Variants in ANO5 observed in about 807,000 individuals in gnomAD.
ANO5 encodes the protein anoctamin-5.
ANO5 carries 109 observed loss-of-function variants against 121.0 expected under a neutral mutation model. The ratio of observed to expected loss-of-function variants is 0.90; its 90% CI spans 0.77 to 1.06. The LOEUF (loss-of-function observed/expected upper bound fraction) is 1.06. Ranked by LOEUF, ANO5 falls within the 50% of genes least tolerant of loss-of-function variation. ANO5 has a pLI of 0.00. For synonymous variants in ANO5, 406 were observed against 359.9 expected, an observed-to-expected ratio of 1.13 and a Z score of -1.45; for missense variants, 1,064 against 1,078.5, an observed-to-expected ratio of 0.99 and a Z score of 0.19.
intron 1 of ANO5, among the ~76,000 whole-genome samples, chr11:22,201,289 C>A (rs1851956572): frequency 6.6e-6 from 1 of 152,122 alleles, no homozygotes; most frequent in Non-Finnish European, 1.5e-5. Context: ...AGAACAAAAT[C>A]AAAAATTGTG....
chr11:22,246,820 C>T (rs1391002931), intron 9 of ANO5, among the ~76,000 whole-genome samples: 1 of 146,038 alleles, frequency 6.8e-6, no homozygotes, highest in Non-Finnish European at 1.5e-5. Context: ...CGCACCACTA[C>T]CCTACAACCT....
chr11:22,275,988 C>T (rs1854825237), intron 20 of ANO5, 106 bp from the exon 21 acceptor site: 6 of 759,678 alleles, frequency 7.9e-6, no homozygotes, highest in Non-Finnish European at 1.3e-5. Flanking sequence ...TTTTTCTGAT[C>T]AACTAGAAAG....
intron 7 of ANO5, 89 bp from the exon 8 acceptor site, chr11:22,236,074 A>G: frequency 5.8e-6 from 5 of 862,294 alleles, no homozygotes; most frequent in Admixed American, 1.9e-5. Context: ...TCTACATTCA[A>G]AGTAGACATT....
intron 17 of ANO5, among the ~76,000 whole-genome samples, chr11:22,267,888 G>T (rs1176269825): frequency 6.6e-6 from 1 of 152,070 alleles, no homozygotes; most frequent in African/African-American, 2.4e-5. Context: ...GCATTAGTTT[G>T]CTAAGGATAA....
intron 9 of ANO5, among the ~76,000 whole-genome samples, chr11:22,247,583 TAAGG>T (rs1023189137): frequency 1.1e-4 from 17 of 152,038 alleles, no homozygotes; most frequent in African/African-American, 4.1e-4. Flanking sequence ...AGGACAAAAA[TAAGG>T]AAGACAGAAT....
Position 22,274,809 on chromosome 11 carries a change from A to T in ANO5, c.2414+62A>T, listed in dbSNP as rs530423163. 6.9e-5 allele frequency: 108 copies of T among 1,559,956 alleles called. 1 individual carries two copies. In the Middle Eastern group the frequency reaches 1.4e-3, roughly 20 times the overall value. Reference sequence around the variant, plus strand: ...ATCCCTTAAGCGTATTTCTTAAGTTATCTATTACCTTTCTGTCTTACAATA... The same window carrying T: ...ATCCCTTAAGCGTATTTCTTAAGTTTTCTATTACCTTTCTGTCTTACAATA... On this transcript the variant is annotated intron_variant, in intron 20 of 21. Coordinates refer to ENST00000324559, the MANE Select transcript of ANO5 (RefSeq NM_213599.3).
intron 12 of ANO5, among the ~76,000 whole-genome samples, chr11:22,253,812 C>T (rs530140882): frequency 6.6e-6 from 1 of 152,086 alleles, no homozygotes; most frequent in Non-Finnish European, 1.5e-5. Flanking sequence ...GGCTGAATTA[C>T]TTTTTGACTG....
chr11:22,250,187 G>T, intron 9 of ANO5, 50 bp from the exon 10 acceptor site: 1 of 1,509,004 alleles, frequency 6.6e-7, no homozygotes, highest in Non-Finnish European at 9.1e-7. Flanking sequence ...CAAGGCTCCA[G>T]ACTATAACAT....
chr11:22,265,427 A>G (rs1330926856), intron 17 of ANO5, among the ~76,000 whole-genome samples: 1 of 152,130 alleles, frequency 6.6e-6, no homozygotes, highest in African/African-American at 2.4e-5. Context: ...TGCATGTAAA[A>G]TTGTCACGGA....
At position 22,276,333 on chromosome 11, in the gene ANO5, TA is replaced by T. The variant is rs1854848658; in HGVS notation, c.2520+139del. 30 of 747,790 alleles carry T rather than the reference TA, an allele frequency of 4.0e-5. No individual in the cohort carries two copies. The East Asian group carries it at 7.9e-4, about 20-fold the overall frequency. 46.3% of individuals were successfully genotyped at this position (747,790 alleles called of 1,614,324 possible). On this transcript the variant is annotated intron_variant, in intron 21 of 21. Transcript: ENST00000324559. ...GAAGGAAGTATTGTATTTGTAGTCATAAAAAGCACCTTAGGGATATTCTTAG... is the reference window on the plus strand; with the variant it reads ...GAAGGAAGTATTGTATTTGTAGTCATAAAAGCACCTTAGGGATATTCTTAG...
At chr11:22,216,564 A>G (rs1027802712) in intron 3 of ANO5, among the ~76,000 whole-genome samples, 1 of 151,824 alleles carries the variant, frequency 6.6e-6, no homozygotes, top group Non-Finnish European at 1.5e-5. Flanking sequence ...ATTGACTTGT[A>G]AGAGTTGTTT....
In ANO5 at chr11:22,227,461, C is replaced by T. The variant is rs1852879178; in HGVS notation, c.523C>T (p.Leu175Phe). Residue 175 changes from leucine (L) to phenylalanine (F), a missense_variant, in exon 7 of 22, where the codon CTC (leucine) becomes TTC (phenylalanine). Physicochemically the swap from Leu to Phe is conservative, Grantham distance 22 (BLOSUM62 0). Coordinates refer to ENST00000324559, the MANE Select transcript of ANO5 (RefSeq NM_213599.3). ...PISYVLGPVR[L>F]PLSVKYPHPE... ...AAGCTATGTGCTTGGACCTGTAAGA[C>T]TCCCACTGAGTGTGAAGTATCCCCA... 6.2e-7 allele frequency: 1 copy of T among 1,613,594 alleles called. No individual in the cohort carries two copies. Among genetic ancestry groups the T allele is most frequent in the East Asian group, 2.2e-5 (1 of 44,834 alleles).
intron 19 of ANO5, among the ~76,000 whole-genome samples, chr11:22,273,545 C>T (rs929771451): frequency 2.6e-5 from 4 of 151,816 alleles, no homozygotes; most frequent in South Asian, 2.1e-4. Context: ...AGGAATGAGC[C>T]AAAACCACTA....
chr11:22,263,682 C>A (rs139469485), intron 17 of ANO5, among the ~76,000 whole-genome samples: 4 of 152,170 alleles, frequency 2.6e-5, no homozygotes, highest in Admixed American at 2.6e-4. Flanking sequence ...CGTAAGTCTA[C>A]GATCCTTCAG....
chr11:22,278,655 T>G (rs1032102074), intron 21 of ANO5, among the ~76,000 whole-genome samples: 2 of 151,512 alleles, frequency 1.3e-5, no homozygotes, highest in African/African-American at 4.8e-5. Context: ...TGATGTCACT[T>G]GGTGGGTTTC....
chr11:22,272,085 A>G (rs894742007), intron 18 of ANO5, among the ~76,000 whole-genome samples: 3 of 152,046 alleles, frequency 2.0e-5, no homozygotes, highest in Non-Finnish European at 4.4e-5. Context: ...TCATGTGGGA[A>G]AGTTGGGCTG....
intron 6 of ANO5, 108 bp downstream of exon 6, chr11:22,226,160 C>T: frequency 1.1e-6 from 1 of 875,100 alleles, no homozygotes; most frequent in Non-Finnish European, 1.9e-6. Context: ...TACAATAGCT[C>T]TTTTGGCTAC....
intron 10 of ANO5, 67 bp from the exon 11 acceptor site, chr11:22,250,674 T>A: frequency 1.4e-6 from 2 of 1,476,120 alleles, no homozygotes; most frequent in South Asian, 2.3e-5. Flanking sequence ...GTTGTTCTAA[T>A]AAGAACAGCT....
intron 12 of ANO5, 28 bp from the exon 13 acceptor site, chr11:22,255,342 CT>C (rs746098741): frequency 4.8e-5 from 72 of 1,513,810 alleles, no homozygotes; most frequent in Middle Eastern, 2.0e-4. Flanking sequence ...TTTTTAATAT[CT>C]TTTTTTTATA....
Sources: allele counts gnomAD v4.1 joint callset (sites outside exome capture counted in the v4.1 genomes callset), GRCh38; gene constraint gnomAD v4.1.1; transcripts MANE v1.5; gene names NCBI Gene and HGNC (gene_info 2026-07-23, HGNC 2026-07-21).